TRIM22: variants seen among roughly 807,000 people sequenced by gnomAD.
TRIM22 encodes tripartite motif containing 22.
A neutral mutation model predicts 53.6 loss-of-function variants in TRIM22; 45 were observed. The observed-to-expected ratio is 0.84, with a 90% CI of 0.66 to 1.08. TRIM22 has a LOEUF of 1.08. Ranked by LOEUF, TRIM22 falls within the 50% of genes least tolerant of loss-of-function variation. The pLI is 0.00. For synonymous variants in TRIM22, 225 were observed against 216.6 expected, an observed-to-expected ratio of 1.04 and a Z score of -0.34; for missense variants, 616 against 590.9, an observed-to-expected ratio of 1.04 and a Z score of -0.44.
intron 1 of TRIM22, among the ~76,000 whole-genome samples, chr11:5,692,309 A>G (rs1853185537): frequency 1.3e-5 from 2 of 152,204 alleles, no homozygotes; most frequent in African/African-American, 4.8e-5. Flanking sequence ...CTGTGAGACA[A>G]TGATTTTGAG....
intron 4 of TRIM22, among the ~76,000 whole-genome samples, chr11:5,704,150 CA>C (rs1322135742): frequency 2.0e-5 from 3 of 152,170 alleles, no homozygotes; most frequent in Non-Finnish European, 2.9e-5. Flanking sequence ...GGTATATACC[CA>C]AAGGAAAATA....
At chr11:5,703,351 T>C (rs961585958) in intron 4 of TRIM22, among the ~76,000 whole-genome samples, 6 of 152,114 alleles carry the variant, frequency 3.9e-5, no homozygotes, top group Admixed American at 1.3e-4. Context: ...TCCAGCTGCA[T>C]CCATGTTGTT....
At chr11:5,708,840 C>T (rs1853508350) in intron 7 of TRIM22, among the ~76,000 whole-genome samples, 1 of 152,040 alleles carries the variant, frequency 6.6e-6, no homozygotes, top group Non-Finnish European at 1.5e-5. Flanking sequence ...CCTCAGCCTC[C>T]CAAGTAGCTG....
intron 4 of TRIM22, among the ~76,000 whole-genome samples, chr11:5,705,488 G>A (rs1420359166): frequency 6.6e-6 from 1 of 152,126 alleles, no homozygotes; most frequent in Non-Finnish European, 1.5e-5. Context: ...ACCAGTTTTA[G>A]TTGGTTTTGT....
intron 4 of TRIM22, among the ~76,000 whole-genome samples, chr11:5,705,942 G>A (rs929805129): frequency 4.6e-5 from 7 of 152,126 alleles, no homozygotes; most frequent in African/African-American, 1.7e-4. Flanking sequence ...AGTACATGGA[G>A]GCCAGACAAA....
At position 5,698,389 on chromosome 11, in the gene TRIM22, G is replaced by A; in HGVS notation, c.594G>A (p.Glu198=). 2 of 1,614,208 alleles carry A rather than the reference G, an allele frequency of 1.2e-6. No individual in the cohort carries two copies. Among genetic ancestry groups the A allele is most frequent in the Non-Finnish European group, 1.7e-6 (2 of 1,180,040 alleles). The change falls in exon 4 of 8, where the codon GAG becomes GAA. Residue 198 remains glutamate, a synonymous_variant. Coordinates refer to ENST00000379965, the MANE Select transcript of TRIM22 (RefSeq NM_006074.5). The part of the protein sequence containing the change: ...NEMRVILDNE[E]QRELQKLEEG... ...TGAGAGTCATCTTGGACAATGAGGA[G>A]CAGAGAGAGCTGCAAAAGCTGGAGG...
chr11:5,709,581 C>T lies in TRIM22; in HGVS notation c.1430C>T (p.Pro477Leu). ...YKFSGCRFSR[P>L]AYPYFNPWNC... is the part of the protein sequence containing the mutation. ...TTCTCTGGATGTCGCTTTTCTCGAC[C>T]TGCTTATCCGTATTTCAATCCTTGG... The change falls in exon 8 of 8, where the codon CCT becomes CTT. Residue 477 changes from proline (P) to leucine (L), a missense_variant. By Grantham distance (98) the Pro-to-Leu change is moderately conservative. Coordinates refer to ENST00000379965, the MANE Select transcript of TRIM22 (RefSeq NM_006074.5). 6.2e-7 allele frequency: 1 copy of T among 1,613,668 alleles called. No individual in the cohort carries two copies. Among genetic ancestry groups the T allele is most frequent in the South Asian group, 1.1e-5 (1 of 91,074 alleles).
intron 5 of TRIM22, among the ~76,000 whole-genome samples, chr11:5,707,763 G>A (rs1250677159): frequency 2.0e-5 from 3 of 152,076 alleles, no homozygotes; most frequent in Non-Finnish European, 4.4e-5. Context: ...AGTGAGCCGA[G>A]GTCGCGCCAC....
Position 5,693,279 on chromosome 11 carries a change from G to A in TRIM22, c.-66-2888G>A, listed in dbSNP as rs375820238. 2.1e-4 allele frequency among the ~76,000 whole-genome samples: 32 copies of A among 149,960 alleles called. No homozygotes were observed. In the East Asian group the frequency reaches 4.4e-3, roughly 20 times the overall value. On this transcript the variant is annotated intron_variant, in intron 1 of 7. Transcript: ENST00000379965. ...GAGTATTCTGAAACAAGGAAGCTACGGACCTAGTTAGCCTTCACCGTGTCA... is the reference window on the plus strand; with the variant it reads ...GAGTATTCTGAAACAAGGAAGCTACAGACCTAGTTAGCCTTCACCGTGTCA...
In TRIM22 at chr11:5,700,584, C is replaced by CTTTT. The variant is rs756680023; in HGVS notation, c.750+2057_750+2060dup. ...TAAGTATGATGTTAGCTATAGGAGT[C>CTTTT]TTTTTTTTTTTTTTTTTTTTTCAGA... On this transcript the variant is annotated intron_variant, in intron 4 of 7. Coordinates refer to ENST00000379965, the MANE Select transcript of TRIM22 (RefSeq NM_006074.5). Among the ~76,000 whole-genome samples, 13 of 29,922 alleles carry CTTTT rather than the reference C, an allele frequency of 4.3e-4. 1 individual carries two copies. The highest frequency in any genetic ancestry group is 9.0e-4 in the African/African-American group (7 of 7,746). The allele number at this position is 29,922 out of a possible 152,430, so 19.6% of individuals were successfully genotyped here.
chr11:5,691,836 T>G (rs1853177845), intron 1 of TRIM22, among the ~76,000 whole-genome samples: 1 of 152,212 alleles, frequency 6.6e-6, no homozygotes. Flanking sequence ...GTTTCACTTT[T>G]CAGAGGTCCA....
chr11:5,696,862 C>T (rs1208849195), intron 2 of TRIM22: 2 of 582,270 alleles, frequency 3.4e-6, no homozygotes, highest in Non-Finnish European at 2.9e-6. Flanking sequence ...AAATTTTTAG[C>T]AAGGAAAAGT....
chr11:5,695,987 A>T (rs1220118256), intron 1 of TRIM22, among the ~76,000 whole-genome samples, 180 bp from the exon 2 acceptor site: 1 of 152,212 alleles, frequency 6.6e-6, no homozygotes, highest in African/African-American at 2.4e-5. Context: ...ACAAAAATTA[A>T]GAATAAAGTG....
At chr11:5,700,260 C>T (rs10838554) in intron 4 of TRIM22, among the ~76,000 whole-genome samples, 91,059 of 151,738 alleles carry the variant, frequency 0.6, 27,593 homozygotes, top group African/African-American at 0.66. Flanking sequence ...GACTAGCGCA[C>T]ACCGCCACAC....
chr11:5,698,164 T>C (rs1259924247), intron 3 of TRIM22, 151 bp from the exon 4 acceptor site: 1 of 641,066 alleles, frequency 1.6e-6, no homozygotes, highest in East Asian at 2.8e-5. Flanking sequence ...TAGAAAAACA[T>C]GGCTTCACCA....
At chr11:5,691,866 G>A (rs979180739) in intron 1 of TRIM22, among the ~76,000 whole-genome samples, 1 of 151,848 alleles carries the variant, frequency 6.6e-6, no homozygotes, top group African/African-American at 2.4e-5. Flanking sequence ...CTCCTTATGT[G>A]TCTGTACCGC....
intron 7 of TRIM22, 70 bp from the exon 8 acceptor site, chr11:5,708,983 T>C (rs1204483452): frequency 1.6e-6 from 2 of 1,212,804 alleles, no homozygotes; most frequent in Non-Finnish European, 1.2e-6. Flanking sequence ...ATTTTCAATA[T>C]GTCTCTTCTC....
chr11:5,709,426 C>T lies in TRIM22; in HGVS notation c.1275C>T (p.Ser425=). The change falls in exon 8 of 8, where the codon TCC becomes TCT. Residue 425 remains serine (S), a synonymous_variant. Coordinates refer to ENST00000379965, the MANE Select transcript of TRIM22 (RefSeq NM_006074.5). ...TCEYNAFEDS[S]SSDPKVLTLF... The stretch of plus-strand genomic sequence containing the variant: ...AATATAATGCTTTTGAGGACTCCTC[C>T]TCTTCTGATCCCAAGGTTTTGACTC... 1 of 1,614,162 alleles carries T rather than the reference C, an allele frequency of 6.2e-7. No individual in the cohort carries two copies.
rs1853492180 is a variant in TRIM22, at chr11:5,708,175, G to A, written c.776G>A (p.Ser259Asn). 2 of 1,613,348 alleles carry A rather than the reference G, an allele frequency of 1.2e-6. No homozygotes were observed. The highest frequency in any genetic ancestry group is 1.7e-6 in the Non-Finnish European group (2 of 1,179,230). The change falls in exon 6 of 8, where the codon AGT (serine) becomes AAT (asparagine). Residue 259 changes from serine to asparagine, a missense_variant and splice_region_variant. Physicochemically the swap from Ser to Asn is conservative, Grantham distance 46. Coordinates refer to ENST00000379965, the MANE Select transcript of TRIM22 (RefSeq NM_006074.5). ...LQDVIDVMKR[S>N]ESWTLKKPKS... ...TTATCAATTTTTGTTATCACTAGGAGTGAAAGCTGGACATTGAAGAAGCCA... is the reference window on the plus strand; with the variant it reads ...TTATCAATTTTTGTTATCACTAGGAATGAAAGCTGGACATTGAAGAAGCCA...
Sources: gnomAD v4.1 joint callset for allele counts (sites outside exome capture counted in the v4.1 genomes callset) on GRCh38, gnomAD v4.1.1 for gene constraint, MANE v1.5 for transcripts, NCBI Gene and HGNC (gene_info 2026-07-23, HGNC 2026-07-21) for gene names.